Variants in BNIP1 observed in about 807,000 individuals in gnomAD.
BNIP1 encodes vesicle transport protein SEC20.
In BNIP1, 25 loss-of-function variants were observed where a neutral mutation model predicts 28.5. The ratio of observed to expected loss-of-function variants is 0.88; its 90% confidence interval spans 0.64 to 1.23. The LOEUF is 1.23. Ranked by LOEUF, BNIP1 falls within the 50% of genes most tolerant of loss-of-function variation. The pLI is 0.00. For synonymous variants in BNIP1, 118 were observed against 101.7 expected (o/e 1.16, Z -0.96); for missense variants, 276 against 277.0 (o/e 1.00, Z 0.02).
At chr5:173,155,620 C>T (rs1481131917) in intron 3 of BNIP1, among the ~76,000 whole-genome samples, 1 of 152,064 alleles carries the variant, frequency 6.6e-6, no homozygotes, top group Non-Finnish European at 1.5e-5. Context: ...ATCGCTTGAG[C>T]CCGGGAGGCA....
chr5:173,158,542 T>TC (rs1760270466), intron 3 of BNIP1, among the ~76,000 whole-genome samples: 1 of 152,176 alleles, frequency 6.6e-6, no homozygotes, highest in African/African-American at 2.4e-5. Flanking sequence ...ACCTCCAGGG[T>TC]CCGGTCAAGG....
At chr5:173,157,906 CTT>C (rs896203643) in intron 3 of BNIP1, among the ~76,000 whole-genome samples, 1 of 149,218 alleles carries the variant, frequency 6.7e-6, no homozygotes, top group African/African-American at 2.5e-5. Context: ...GAAAGATTGG[CTT>C]TTTGTGTGTG....
At chr5:173,151,131 G>A (rs1018394280) in intron 2 of BNIP1, among the ~76,000 whole-genome samples, 6 of 152,040 alleles carry the variant, frequency 3.9e-5, no homozygotes, top group East Asian at 3.9e-4. Flanking sequence ...CACCGCGCCC[G>A]GTCAAAACTT....
rs1760442580 is a variant in BNIP1 at position 173,164,063 on chromosome 5, A to G, written c.*142A>G. On this transcript the variant is annotated 3_prime_UTR_variant, in exon 6 of 6. Coordinates refer to ENST00000351486, the MANE Select transcript of BNIP1 (RefSeq NM_001205.3). The surrounding 1 kb of genome is among the most constrained non-coding windows in gnomAD (Gnocchi z 4.0). ...CAGGTTGGATGGAACACAGTGCCCC[A>G]CTTTTCTGCAAGTAGCTGGCTTGTA... 1 of 796,382 alleles carries G rather than the reference A, an allele frequency of 1.3e-6. No individual in the cohort carries two copies. Among genetic ancestry groups the G allele is most frequent in the Non-Finnish European group, 1.9e-6 (1 of 532,518 alleles). 49.3% of individuals were successfully genotyped at this position (796,382 alleles called of 1,614,324 possible). A position where few individuals can be genotyped will look rare whatever the true frequency, so the allele number is the denominator to read the frequency against.
rs1760281155 is a variant in BNIP1, at chr5:173,158,806, A to G, written c.332A>G (p.Lys111Arg). ...AAAATTGCAATCGACAATCTAGAGA[A>G]AGCAGAACTTCTTCAGGGAGGAGAT... ...TCKIAIDNLE[K>R]AELLQGGDLL... Residue 111 changes from lysine to arginine, a missense_variant, in exon 4 of 6, where the codon AAA becomes AGA. Transcript: ENST00000351486. 1 of 1,614,020 alleles carries G rather than the reference A, an allele frequency of 6.2e-7. No homozygotes were observed. The highest frequency in any genetic ancestry group is 1.3e-5 in the African/African-American group (1 of 74,944).
At chr5:173,157,572 G>A (rs1253787327) in intron 3 of BNIP1, among the ~76,000 whole-genome samples, 3 of 152,070 alleles carry the variant, frequency 2.0e-5, no homozygotes, top group African/African-American at 7.2e-5. Context: ...TCGCCATCAT[G>A]TCCAGCTAAT....
At position 173,158,855 on chromosome 5, in the gene BNIP1, C is replaced by G; in HGVS notation, c.371+10C>G. 1 of 1,603,472 alleles carries G rather than the reference C, an allele frequency of 6.2e-7. No individual in the cohort carries two copies. Among genetic ancestry groups the G allele is most frequent in the Non-Finnish European group, 8.5e-7 (1 of 1,172,474 alleles). ...ATCTCTTAAGGCAAAGGTACCTATT[C>G]TTTTATTTTTCTGGGCTCCGATAAT... On this transcript the variant is annotated intron_variant, in intron 4 of 5. Coordinates refer to ENST00000351486, the MANE Select transcript of BNIP1 (RefSeq NM_001205.3).
At chr5:173,158,973 A>G in intron 4 of BNIP1, 128 bp downstream of exon 4, 2 of 602,566 alleles carry the variant, frequency 3.3e-6, no homozygotes, top group Admixed American at 3.6e-5. Context: ...TAAGTTTGAA[A>G]AAAATGCATA....
intron 2 of BNIP1, chr5:173,151,705 G>T (rs142647024): frequency 1.7e-5 from 28 of 1,612,282 alleles, no homozygotes; most frequent in South Asian, 7.7e-5. Flanking sequence ...GTGAGTATTT[G>T]TATGTTCTTT....
chr5:173,145,119 T>C (rs1000721255), intron 1 of BNIP1: 2 of 155,786 alleles, frequency 1.3e-5, no homozygotes, highest in African/African-American at 4.8e-5. Flanking sequence ...TGGACCGTAG[T>C]TGTGATTTTA....
intron 3 of BNIP1, among the ~76,000 whole-genome samples, chr5:173,154,883 C>T (rs1020460839): frequency 3.9e-5 from 6 of 151,966 alleles, no homozygotes; most frequent in Admixed American, 3.3e-4. Context: ...CAAGTGGGGG[C>T]GAGTGGGGAA....
In BNIP1 at chr5:173,155,677, A is replaced by C. The variant is rs559196709; in HGVS notation, c.269+1264A>C. ...TGCTGCACTCCAGCCTGGGTGACAG[A>C]GTGAGACTCCACCTTAAAAACAAAA... is the stretch of plus-strand genomic sequence containing the variant. On this transcript the variant is annotated intron_variant, in intron 3 of 5. Coordinates refer to ENST00000351486, the MANE Select transcript of BNIP1 (RefSeq NM_001205.3). 1.3e-4 allele frequency among the ~76,000 whole-genome samples: 20 copies of C among 152,272 alleles called. No homozygotes were observed. In the South Asian group the frequency reaches 4.1e-3, roughly 32 times the overall value.
In BNIP1 at chr5:173,163,803, T is replaced by C. The variant is rs754690465; in HGVS notation, c.569T>C (p.Leu190Pro). The stretch of plus-strand genomic sequence containing the variant: ...GGCACCATCCAGCTGGGCCGGAAGC[T>C]TATCACAAAATACAATCGCCGGGAG... ...MSGTIQLGRKLITKYNRRELT... is the reference protein window; with the variant it reads ...MSGTIQLGRKPITKYNRRELT... The change falls in exon 6 of 6, where the codon CTT becomes CCT. Residue 190 changes from leucine to proline, a missense_variant. Physicochemically the swap from Leu to Pro is moderately conservative, Grantham distance 98. Transcript: ENST00000351486. 6.2e-7 allele frequency: 1 copy of C among 1,613,976 alleles called. No homozygotes were observed. Among genetic ancestry groups the C allele is most frequent in the Non-Finnish European group, 8.5e-7 (1 of 1,179,950 alleles).
chr5:173,154,524 CTTTT>C (rs10712809), intron 3 of BNIP1, 111 bp downstream of exon 3: 144 of 596,628 alleles, frequency 2.4e-4, no homozygotes, highest in Middle Eastern at 4.9e-4. Flanking sequence ...TTAATGGTGT[CTTTT>C]TTTTTTTTTT....
At chr5:173,149,384 A>AG (rs1217865170) in intron 2 of BNIP1, among the ~76,000 whole-genome samples, 1 of 152,194 alleles carries the variant, frequency 6.6e-6, no homozygotes, top group Non-Finnish European at 1.5e-5. Context: ...TAAAACCATC[A>AG]GATCTCATGA....
intron 5 of BNIP1, among the ~76,000 whole-genome samples, chr5:173,162,553 T>C (rs255304): frequency 0.66 from 100,579 of 151,824 alleles, 33,844 homozygotes; most frequent in African/African-American, 0.72. Flanking sequence ...CATTTGAACC[T>C]GGGAGGTGGA....
intron 5 of BNIP1, among the ~76,000 whole-genome samples, chr5:173,163,022 T>C (rs3805463): frequency 0.032 from 4,834 of 152,344 alleles, 108 homozygotes; most frequent in South Asian, 0.089. Context: ...ATTCAATGGC[T>C]GTTCTGATGA....
chr5:173,155,953 T>G (rs5745147), intron 3 of BNIP1, among the ~76,000 whole-genome samples: 2 of 152,188 alleles, frequency 1.3e-5, no homozygotes, highest in Non-Finnish European at 2.9e-5. Context: ...TGTTCACTGG[T>G]CTGCCTCTGC....
chr5:173,144,919 GC>G (rs1172062231), intron 1 of BNIP1: 2 of 338,980 alleles, frequency 5.9e-6, no homozygotes, highest in African/African-American at 4.3e-5. Flanking sequence ...TCCACCTGCA[GC>G]CCTGGTCGTC....
Sources: allele counts gnomAD v4.1 joint callset (sites outside exome capture counted in the v4.1 genomes callset), GRCh38; gene constraint gnomAD v4.1.1; non-coding constraint Gnocchi (gnomAD v3.1); transcripts MANE v1.5; gene names NCBI Gene and HGNC (gene_info 2026-07-23, HGNC 2026-07-21).